Variants in FBXL20 observed in about 807,000 individuals in gnomAD.
The protein encoded by FBXL20 is F-box and leucine rich repeat protein 20.
In FBXL20, 11 loss-of-function variants were observed where a neutral mutation model predicts 64.0. That is an observed-to-expected ratio of 0.17 (90% CI 0.11 to 0.28). The LOEUF is 0.28. Among genes scored for constraint, FBXL20 ranks in the 10% least tolerant of loss-of-function variants. The pLI is 1.00. For synonymous variants in FBXL20, 184 were observed against 189.0 expected (o/e 0.97, Z 0.22); for missense variants, 303 against 526.2 (o/e 0.58, Z 4.15).
intron 3 of FBXL20, among the ~76,000 whole-genome samples, chr17:39,302,626 G>A (rs2047147964): frequency 6.6e-6 from 1 of 152,126 alleles, no homozygotes; most frequent in African/African-American, 2.4e-5. Flanking sequence ...GCCCGCCTGG[G>A]CCTCCCAAAG....
rs776301305 is a variant in FBXL20 at position 39,275,069 on chromosome 17, C to A, written c.728G>T (p.Cys243Phe). The A allele has an allele frequency of 1.7e-5, 27 of 1,613,276 alleles. No individual in the cohort carries two copies. In the Admixed American group the frequency reaches 4.5e-4, roughly 27 times the overall value. The part of the protein sequence containing the change: ...QITDEGLITI[C>F]RGCHKLQSLC... ...GGATTGTAACTTATGGCACCCTCTGCATATAGTAATGAGACCTTCATCTGT... is the reference window on the plus strand; with the variant it reads ...GGATTGTAACTTATGGCACCCTCTGAATATAGTAATGAGACCTTCATCTGT... The change falls in exon 10 of 15, where the codon TGC (cysteine) becomes TTC (phenylalanine). Residue 243 changes from cysteine (C) to phenylalanine (F), a missense_variant. Physicochemically the swap from Cys to Phe is radical, Grantham distance 205. Transcript: ENST00000264658.
chr17:39,273,322 G>C (rs963616273), intron 10 of FBXL20, among the ~76,000 whole-genome samples: 1 of 152,082 alleles, frequency 6.6e-6, no homozygotes, highest in Admixed American at 6.6e-5. Flanking sequence ...GGCCACAAAA[G>C]TTCTTTCAAC....
chr17:39,347,562 T>A (rs2047646559), intron 1 of FBXL20, among the ~76,000 whole-genome samples: 1 of 152,214 alleles, frequency 6.6e-6, no homozygotes, highest in African/African-American at 2.4e-5. Context: ...GTAAATTTGT[T>A]TAAGTTCTTT....
At chr17:39,380,909 C>T (rs2048015950) in intron 1 of FBXL20, among the ~76,000 whole-genome samples, 1 of 152,096 alleles carries the variant, frequency 6.6e-6, no homozygotes, top group African/African-American at 2.4e-5. Flanking sequence ...CCTGTAATCC[C>T]AGTACTTAGG....
chr17:39,353,332 A>G (rs1446745001), intron 1 of FBXL20, among the ~76,000 whole-genome samples: 1 of 152,292 alleles, frequency 6.6e-6, no homozygotes, highest in Non-Finnish European at 1.5e-5. Flanking sequence ...TTTCCTTTCT[A>G]CGGTCCATGG....
chr17:39,380,653 C>A (rs990909666), intron 1 of FBXL20, among the ~76,000 whole-genome samples: 24 of 152,132 alleles, frequency 1.6e-4, no homozygotes, highest in Non-Finnish European at 2.6e-4. Flanking sequence ...TAACATCTGG[C>A]ATATTATTTA....
At chr17:39,297,235 G>A (rs759451962) in intron 5 of FBXL20, 40 bp from the exon 6 acceptor site, 7 of 1,265,132 alleles carry the variant, frequency 5.5e-6, no homozygotes, top group South Asian at 1.3e-5. Context: ...AATGAAATAG[G>A]CCAAATTCCA....
At chr17:39,272,402 ATTT>A in intron 10 of FBXL20, among the ~76,000 whole-genome samples, 1 of 110,672 alleles carries the variant, frequency 9.0e-6, no homozygotes, top group Admixed American at 9.4e-5. Flanking sequence ...AAAAAAAAAA[ATTT>A]TTTTTTTAAT....
At chr17:39,286,905 A>AT (rs1555604421) in intron 6 of FBXL20, among the ~76,000 whole-genome samples, 1 of 127,172 alleles carries the variant, frequency 7.9e-6, no homozygotes, top group Admixed American at 8.3e-5. Context: ...TTCAGTATCT[A>AT]TTTCTTTTTT....
intron 2 of FBXL20, among the ~76,000 whole-genome samples, chr17:39,320,906 C>T (rs191748810): frequency 1.3e-5 from 2 of 152,040 alleles, no homozygotes; most frequent in Admixed American, 6.6e-5. Flanking sequence ...TACTCTACAA[C>T]AAAAAGTGAC....
At chr17:39,401,295 G>A (rs572725188) in intron 1 of FBXL20, 66 bp downstream of exon 1, 1 of 1,610,268 alleles carries the variant, frequency 6.2e-7, no homozygotes, top group East Asian at 2.2e-5. Context: ...CGTGCGGAGC[G>A]GACGTTTTGG....
chr17:39,397,258 T>C (rs1203502826), intron 1 of FBXL20, among the ~76,000 whole-genome samples: 2 of 152,332 alleles, frequency 1.3e-5, no homozygotes, highest in African/African-American at 2.4e-5. Flanking sequence ...AAATATTACA[T>C]GCTAGGGTTA....
At chr17:39,264,495 T>C (rs2046774843) in intron 13 of FBXL20, 108 bp from the exon 14 acceptor site, 2 of 1,199,500 alleles carry the variant, frequency 1.7e-6, no homozygotes, top group East Asian at 2.5e-5. Flanking sequence ...TTTTGATGAA[T>C]ATGGAGCTGG....
chr17:39,259,327 A>C lies in FBXL20; in HGVS notation c.*2133T>G, dbSNP rs905766820. 1.3e-5 allele frequency: 2 copies of C among 152,116 alleles called. No homozygotes were observed. The highest frequency in any genetic ancestry group is 2.1e-4 in the South Asian group (1 of 4,816). The allele number at this position is 152,116 out of a possible 1,614,324, so 9.4% of individuals were successfully genotyped here. On this transcript the variant is annotated 3_prime_UTR_variant, in exon 15 of 15. Transcript: ENST00000264658. ...AAAATAAAATAAAATAAAATAAATA[A>C]ATAAAACAAGCCTTTTAATAGTCTG...
chr17:39,377,619 G>T (rs1006830602), intron 1 of FBXL20, among the ~76,000 whole-genome samples: 1 of 151,654 alleles, frequency 6.6e-6, no homozygotes, highest in African/African-American at 2.4e-5. Context: ...TCCTGCCTCA[G>T]CCTCCTGAGT....
chr17:39,311,018 C>G (rs1048418246), intron 2 of FBXL20, among the ~76,000 whole-genome samples: 2 of 151,438 alleles, frequency 1.3e-5, no homozygotes. Context: ...AAAAAATCAG[C>G]TGCGCATGGT....
intron 2 of FBXL20, among the ~76,000 whole-genome samples, chr17:39,304,495 G>A (rs1193228980): frequency 6.6e-6 from 1 of 152,074 alleles, no homozygotes; most frequent in African/African-American, 2.4e-5. Flanking sequence ...TCCCTATGTT[G>A]CACAGGCTGG....
intron 7 of FBXL20, 63 bp from the exon 8 acceptor site, chr17:39,282,918 T>C (rs2046960421): frequency 2.5e-6 from 4 of 1,582,632 alleles, no homozygotes; most frequent in Non-Finnish European, 3.5e-6. Context: ...CACCAACGTC[T>C]CAATTTATTG....
chr17:39,353,912 C>T (rs1277464214), intron 1 of FBXL20, among the ~76,000 whole-genome samples: 4 of 152,162 alleles, frequency 2.6e-5, no homozygotes, highest in South Asian at 2.1e-4. Flanking sequence ...GAGTGAGCCA[C>T]CGCACCCAGC....
Sources: gnomAD v4.1 joint callset for allele counts (sites outside exome capture counted in the v4.1 genomes callset) on GRCh38, gnomAD v4.1.1 for gene constraint, MANE v1.5 for transcripts, NCBI Gene and HGNC (gene_info 2026-07-23, HGNC 2026-07-21) for gene names.